The following STX8 variants were observed in gnomAD, a reference collection of about 807,000 sequenced individuals.
STX8 encodes syntaxin 8, also known as syntaxin-8.
In STX8, 23 loss-of-function variants were observed where a neutral mutation model predicts 37.5. The observed-to-expected ratio is 0.61, with a 90% CI of 0.44 to 0.87. The LOEUF (loss-of-function observed/expected upper bound fraction) is 0.87. Ranked by LOEUF, STX8 falls within the 40% of genes least tolerant of loss-of-function variation. The probability of loss-of-function intolerance (pLI) is 0.00; values close to 1 mark genes in which losing one functional copy is unlikely to be tolerated. For synonymous variants in STX8, 115 were observed against 99.1 expected (o/e 1.16, Z -0.95); for missense variants, 313 against 284.7 (o/e 1.10, Z -0.71).
intron 6 of STX8, among the ~76,000 whole-genome samples, chr17:9,391,003 T>G (rs1912199393): frequency 6.6e-6 from 1 of 152,182 alleles, no homozygotes. Context: ...AACTCCATAT[T>G]AGTCATTATT....
At chr17:9,290,419 A>T (rs1372816159) in intron 7 of STX8, among the ~76,000 whole-genome samples, 5 of 152,192 alleles carry the variant, frequency 3.3e-5, no homozygotes, top group Non-Finnish European at 7.4e-5. Flanking sequence ...ACAGAAGAGA[A>T]CACACATTCA....
At chr17:9,536,747 A>AT (rs140609634) in intron 4 of STX8, among the ~76,000 whole-genome samples, 43,284 of 145,180 alleles carry the variant, frequency 0.3, 7,056 homozygotes, top group African/African-American at 0.46. Context: ...GCTTATTATT[A>AT]TTTTTTTTTT....
At chr17:9,437,087 AACCACG>A (rs1195563476) in intron 6 of STX8, among the ~76,000 whole-genome samples, 1 of 152,254 alleles carries the variant, frequency 6.6e-6, no homozygotes, top group Non-Finnish European at 1.5e-5. Flanking sequence ...AATACAATGA[AACCACG>A]ACTATAAGCA....
rs771616482 is a variant in STX8, at chr17:9,537,030, G to A, written c.323+8142C>T. ...CCCAAAGCGCTGGGATTACAGGCAT[G>A]AGCCACCGCATCCAGCCAAGAACGG... On this transcript the variant is annotated intron_variant, in intron 4 of 7. Transcript: ENST00000306357. Among the ~76,000 whole-genome samples, 43 of 152,184 alleles carry A rather than the reference G, an allele frequency of 2.8e-4. 1 individual carries two copies. The highest frequency in any genetic ancestry group is 5.2e-4 in the Admixed American group (8 of 15,276).
intron 4 of STX8, among the ~76,000 whole-genome samples, chr17:9,531,542 A>G (rs1188551290): frequency 6.6e-6 from 1 of 152,166 alleles, no homozygotes; most frequent in East Asian, 1.9e-4. Flanking sequence ...ATATTTTGAG[A>G]GAGAGAGAGA....
At chr17:9,431,895 A>G (rs2142372867) in intron 6 of STX8, among the ~76,000 whole-genome samples, 1 of 152,222 alleles carries the variant, frequency 6.6e-6, no homozygotes, top group Non-Finnish European at 1.5e-5. Flanking sequence ...CTAGGACAAC[A>G]TTTTGGTTCA....
rs116124926 is a variant in STX8 at position 9,264,290 on chromosome 17, T to C, written c.644-13645A>G. Among the ~76,000 whole-genome samples, 705 of 152,310 alleles carry C rather than the reference T, an allele frequency of 4.6e-3. 5 individuals carry two copies. Among genetic ancestry groups the C allele is most frequent in the African/African-American group, 0.016 (658 of 41,576 alleles). ...AGTGTAGCAAAACAATTGTTTTACA[T>C]TGCCAAATTTGGGGTGATCTTTTAC... On this transcript the variant is annotated intron_variant, in intron 7 of 7. Transcript: ENST00000306357.
In STX8 at chr17:9,430,059, AATAT is replaced by A. The variant is rs1244740533; in HGVS notation, c.542-51410_542-51407del. On this transcript the variant is annotated intron_variant, in intron 6 of 7. Transcript: ENST00000306357. ...TCTATAGAATATATATATTCTATAT[AATAT>A]ATATATTCTATATAATATATATATT... is the stretch of plus-strand genomic sequence containing the variant. Among the ~76,000 whole-genome samples the A allele has an allele frequency of 2.4e-4, 15 of 61,910 alleles. 2 individuals carry two copies. The highest frequency in any genetic ancestry group is 8.5e-4 in the Admixed American group (3 of 3,538). 40.6% of individuals were successfully genotyped at this position (61,910 alleles called of 152,430 possible).
At chr17:9,574,286 A>G (rs529422740) in intron 1 of STX8, among the ~76,000 whole-genome samples, 1 of 151,286 alleles carries the variant, frequency 6.6e-6, no homozygotes, top group African/African-American at 2.4e-5. Flanking sequence ...AAAAAAAAAA[A>G]AAGAAGAAAA....
At chr17:9,411,543 T>C (rs1912977847) in intron 6 of STX8, among the ~76,000 whole-genome samples, 1 of 152,232 alleles carries the variant, frequency 6.6e-6, no homozygotes, top group African/African-American at 2.4e-5. Context: ...TAAACTTGGT[T>C]TGTAAAATTC....
At chr17:9,386,908 T>C (rs1912033074) in intron 6 of STX8, among the ~76,000 whole-genome samples, 1 of 152,158 alleles carries the variant, frequency 6.6e-6, no homozygotes, top group Admixed American at 6.5e-5. Flanking sequence ...TCACTCTTGT[T>C]GCCCAGGCTG....
intron 7 of STX8, among the ~76,000 whole-genome samples, chr17:9,369,346 A>G (rs1009747770): frequency 6.6e-6 from 1 of 152,244 alleles, no homozygotes; most frequent in African/African-American, 2.4e-5. Flanking sequence ...GCTTACCTCA[A>G]TGAACCATGA....
At chr17:9,463,582 T>C (rs1207612168) in intron 6 of STX8, among the ~76,000 whole-genome samples, 1 of 151,788 alleles carries the variant, frequency 6.6e-6, no homozygotes, top group Non-Finnish European at 1.5e-5. Flanking sequence ...CAACTCCTGG[T>C]TGAACATGGT....
rs575118024 is a variant in STX8 at position 9,293,554 on chromosome 17, A to T, written c.644-42909T>A. ...TCAAAGACCTGATTAAGGTCCTTGGATAAGTGATGACAGTGAGATAGGAGG... is the reference window on the plus strand; with the variant it reads ...TCAAAGACCTGATTAAGGTCCTTGGTTAAGTGATGACAGTGAGATAGGAGG... On this transcript the variant is annotated intron_variant, in intron 7 of 7. Transcript: ENST00000306357. Among the ~76,000 whole-genome samples the T allele has an allele frequency of 2.0e-5, 3 of 152,092 alleles. No homozygotes were observed. In the South Asian group the frequency reaches 6.2e-4, roughly 32 times the overall value.
intron 6 of STX8, among the ~76,000 whole-genome samples, chr17:9,384,532 G>C (rs1306601137): frequency 6.6e-6 from 1 of 152,000 alleles, no homozygotes; most frequent in Non-Finnish European, 1.5e-5. Flanking sequence ...CAGCTACTCG[G>C]GAGGCTGAGG....
At chr17:9,307,343 C>T (rs544889777) in intron 7 of STX8, among the ~76,000 whole-genome samples, 37 of 152,148 alleles carry the variant, frequency 2.4e-4, no homozygotes, top group Non-Finnish European at 1.9e-4. Context: ...TTTCTATGTC[C>T]TGCTTGGGGG....
chr17:9,523,038 C>G (rs1311953803), intron 4 of STX8, among the ~76,000 whole-genome samples: 1 of 151,980 alleles, frequency 6.6e-6, no homozygotes, highest in Admixed American at 6.6e-5. Context: ...GTAAGCCAGG[C>G]TCGGTGGCTC....
intron 6 of STX8, among the ~76,000 whole-genome samples, chr17:9,455,747 A>T (rs1461768898): frequency 6.6e-6 from 1 of 152,252 alleles, no homozygotes. Context: ...CAGACACTTC[A>T]GCAACAGTCA....
chr17:9,403,105 A>G (rs1403326621), intron 6 of STX8, among the ~76,000 whole-genome samples: 1 of 152,150 alleles, frequency 6.6e-6, no homozygotes, highest in African/African-American at 2.4e-5. Context: ...GACACTCCAT[A>G]AGAGTCTGTC....
Sources: allele counts gnomAD v4.1 joint callset (sites outside exome capture counted in the v4.1 genomes callset), GRCh38; gene constraint gnomAD v4.1.1; transcripts MANE v1.5; gene names NCBI Gene and HGNC (gene_info 2026-07-23, HGNC 2026-07-21).